Variants in LAMC3 observed in about 807,000 individuals in gnomAD.
LAMC3 encodes laminin subunit gamma 3, also known as laminin subunit gamma-3.
A neutral mutation model predicts 173.8 loss-of-function variants in LAMC3; 128 were observed. The ratio of observed to expected loss-of-function variants is 0.74; its 90% CI spans 0.64 to 0.85. LAMC3 has a LOEUF of 0.85. LAMC3 is among the 40% of genes least tolerant of loss of function. The pLI, the probability that LAMC3 is intolerant of heterozygous loss-of-function variation, is 0.00. For synonymous variants in LAMC3, 897 were observed against 909.1 expected (o/e 0.99, Z 0.24); for missense variants, 2,022 against 2,156.0 (o/e 0.94, Z 1.23).
intron 1 of LAMC3, among the ~76,000 whole-genome samples, chr9:131,019,567 G>A (rs892875920): frequency 2.6e-5 from 4 of 152,220 alleles, no homozygotes; most frequent in African/African-American, 9.6e-5. Flanking sequence ...CCAGCATTTA[G>A]TGAGCACCTG....
chr9:131,054,633 A>T (rs1834364752), intron 11 of LAMC3, among the ~76,000 whole-genome samples: 1 of 152,068 alleles, frequency 6.6e-6, no homozygotes, highest in Non-Finnish European at 1.5e-5. Flanking sequence ...ATGTGCCTGT[A>T]ATCCCAGCTA....
At chr9:131,085,872 G>A (rs1285237230) in intron 25 of LAMC3, 149 bp downstream of exon 25, 2 of 762,846 alleles carry the variant, frequency 2.6e-6, no homozygotes, top group East Asian at 2.7e-5. Flanking sequence ...CTTCACGGGG[G>A]TGAGTCTGTG....
At chr9:131,032,493 GCTCTCTCTCACTCGCTCTCT>G (rs1564368242) in intron 3 of LAMC3, among the ~76,000 whole-genome samples, 2 of 104,658 alleles carry the variant, frequency 1.9e-5, no homozygotes, top group Admixed American at 2.1e-4. Context: ...TCTCGCTCTC[GCTCTCTCTCACTCGCTCTCT>G]CTCTCTTGCT....
Position 131,026,166 on chromosome 9 carries a change from G to T in LAMC3, c.374-119G>T. 1 of 1,548,888 alleles carries T rather than the reference G, an allele frequency of 6.5e-7. No homozygotes were observed. Among genetic ancestry groups the T allele is most frequent in the Non-Finnish European group, 8.7e-7 (1 of 1,146,846 alleles). ...GTGGCTTCCCCTGTCCAGAGCTCCA[G>T]ACAGCTTCCAGCGATCCATCCACGC... On this transcript the variant is annotated intron_variant, in intron 1 of 27. Transcript: ENST00000361069. The surrounding 1 kb of genome is among the most constrained non-coding windows in gnomAD (Gnocchi z 4.8).
chr9:131,016,163 T>A (rs1050837700), intron 1 of LAMC3, among the ~76,000 whole-genome samples: 1 of 152,132 alleles, frequency 6.6e-6, no homozygotes, highest in Non-Finnish European at 1.5e-5. Context: ...GAACAAATAC[T>A]GTAGGGTTCC....
At chr9:131,041,770 A>G (rs767966890) in intron 7 of LAMC3, 35 bp downstream of exon 7, 3 of 1,571,028 alleles carry the variant, frequency 1.9e-6, no homozygotes, top group Non-Finnish European at 2.6e-6. Context: ...GCTTGCTGGA[A>G]GTGACCTGGG....
At chr9:131,034,520 C>A (rs1253876683) in intron 3 of LAMC3, among the ~76,000 whole-genome samples, 1 of 152,256 alleles carries the variant, frequency 6.6e-6, no homozygotes, top group Non-Finnish European at 1.5e-5. Context: ...CACTGAGTGG[C>A]CACAGAGGAG....
chr9:131,092,805 A>T lies in LAMC3; in HGVS notation c.*1018A>T, dbSNP rs1208737899. On this transcript the variant is annotated 3_prime_UTR_variant, in exon 28 of 28. Coordinates refer to ENST00000361069, the MANE Select transcript of LAMC3 (RefSeq NM_006059.4). The stretch of plus-strand genomic sequence containing the variant: ...GGTGTGCAAGCCTGGCTGCCATTCC[A>T]GTCTGTCCTGTCTGGGAATCGCCCT... 2 of 152,318 alleles carry T rather than the reference A, an allele frequency of 1.3e-5. No homozygotes were observed. The highest frequency in any genetic ancestry group is 2.9e-5 in the Non-Finnish European group (2 of 68,120). The allele number at this position is 152,318 out of a possible 1,614,324, so 9.4% of individuals were successfully genotyped here.
At chr9:131,018,129 C>T (rs139310375) in intron 1 of LAMC3, among the ~76,000 whole-genome samples, 1 of 151,816 alleles carries the variant, frequency 6.6e-6, no homozygotes, top group Admixed American at 6.6e-5. Flanking sequence ...AGGAGTGGCC[C>T]CAAGATCTTT....
rs758786678 is a variant in LAMC3 at position 131,052,614 on chromosome 9, C to A, written c.1754C>A (p.Ser585Tyr). ...CTGGAAGGGACAGGCTTGGCCCTGTCCCTGAGGCACTCTAGCCTGTCTGGC... is the reference window on the plus strand; with the variant it reads ...CTGGAAGGGACAGGCTTGGCCCTGTACCTGAGGCACTCTAGCCTGTCTGGC... ...LRLEGTGLAL[S>Y]LRHSSLSGPQ... The change falls in exon 10 of 28, where the codon TCC becomes TAC. Residue 585 changes from serine (S) to tyrosine (Y), a missense_variant. Transcript: ENST00000361069. 1.4e-5 allele frequency: 23 copies of A among 1,613,982 alleles called. No individual in the cohort carries two copies. In the East Asian group the frequency reaches 4.9e-4, roughly 34 times the overall value.
At chr9:131,071,739 G>A (rs1474513170) in intron 18 of LAMC3, 114 bp downstream of exon 18, 10 of 1,090,902 alleles carry the variant, frequency 9.2e-6, no homozygotes, top group Non-Finnish European at 1.3e-6. Flanking sequence ...TGTTGCCATG[G>A]GCCTTTACTT....
At chr9:131,090,569 G>A (rs1056384802) in intron 27 of LAMC3, among the ~76,000 whole-genome samples, 4 of 152,170 alleles carry the variant, frequency 2.6e-5, no homozygotes, top group African/African-American at 9.7e-5. Context: ...GGATCCCAGG[G>A]GCCCAGTGGA....
chr9:131,062,168 C>T (rs183345672), intron 13 of LAMC3, among the ~76,000 whole-genome samples: 96 of 152,164 alleles, frequency 6.3e-4, no homozygotes, highest in Non-Finnish European at 1.5e-4. Context: ...TGAGACCATC[C>T]TGGCTAACAC....
chr9:131,054,748 GAAAGAAAGAA>G (rs1213875406), intron 11 of LAMC3, among the ~76,000 whole-genome samples: 1 of 136,782 alleles, frequency 7.3e-6, no homozygotes, highest in East Asian at 2.2e-4. Flanking sequence ...TTGTCTCAAA[GAAAGAAAGAA>G]AAAGAAAGAG....
Position 131,075,952 on chromosome 9 carries a change from G to T in LAMC3, c.3616G>T (p.Asp1206Tyr), listed in dbSNP as rs760770966. 1.9e-6 allele frequency: 3 copies of T among 1,608,468 alleles called. No homozygotes were observed. The highest frequency in any genetic ancestry group is 8.5e-7 in the Non-Finnish European group (1 of 1,176,652). The change falls in exon 21 of 28, where the codon GAC becomes TAC. Residue 1206 changes from aspartate to tyrosine, a missense_variant. Asp to Tyr is a radical substitution (Grantham distance 160). Coordinates refer to ENST00000361069, the MANE Select transcript of LAMC3 (RefSeq NM_006059.4). ...AAGGGTGGCCCTAGAGACCCAGCGGGACCTGGAGGACAGGTGAGGCCTCCC... is the reference window on the plus strand; with the variant it reads ...AAGGGTGGCCCTAGAGACCCAGCGGTACCTGGAGGACAGGTGAGGCCTCCC... ...EGRVALETQR[D>Y]LEDRYQEVQA...
At chr9:131,046,650 C>T (rs1834168230) in intron 8 of LAMC3, among the ~76,000 whole-genome samples, 1 of 151,116 alleles carries the variant, frequency 6.6e-6, no homozygotes, top group South Asian at 2.1e-4. Flanking sequence ...TGAGTGTCCG[C>T]GCCCAGCTGT....
At chr9:131,069,971 C>A in intron 17 of LAMC3, 121 bp downstream of exon 17, 1 of 1,028,614 alleles carries the variant, frequency 9.7e-7, no homozygotes, top group Non-Finnish European at 1.5e-6. Flanking sequence ...GCAAGCCCAC[C>A]ACCTACCTTC....
At chr9:131,032,627 T>A (rs1375722489) in intron 3 of LAMC3, among the ~76,000 whole-genome samples, 2 of 149,962 alleles carry the variant, frequency 1.3e-5, no homozygotes, top group African/African-American at 5.0e-5. Context: ...TCTCTCTCAC[T>A]CTCTCTTGCT....
intron 10 of LAMC3, 53 bp from the exon 11 acceptor site, chr9:131,052,795 CAT>C: frequency 8.4e-7 from 1 of 1,184,976 alleles, no homozygotes; most frequent in Non-Finnish European, 1.3e-6. Flanking sequence ...CATCCCCAGG[CAT>C]GGTACCCCCC....
Sources: allele counts gnomAD v4.1 joint callset (sites outside exome capture counted in the v4.1 genomes callset), GRCh38; gene constraint gnomAD v4.1.1; non-coding constraint Gnocchi (gnomAD v3.1); transcripts MANE v1.5; gene names NCBI Gene and HGNC (gene_info 2026-07-23, HGNC 2026-07-21).